Variants in VPS13B observed in about 807,000 individuals in gnomAD.
VPS13B encodes the protein intermembrane lipid transfer protein VPS13B.
In VPS13B, 285 loss-of-function variants were observed where a neutral mutation model predicts 426.4. The ratio of observed to expected loss-of-function variants is 0.67; its 90% CI spans 0.61 to 0.74. The LOEUF is 0.74. Ranked by LOEUF, VPS13B falls within the 30% of genes least tolerant of loss-of-function variation. The probability of loss-of-function intolerance (pLI) is 0.00; values close to 1 mark genes in which losing one functional copy is unlikely to be tolerated. For missense variants in VPS13B, 4,537 were observed against 4,782.6 expected, an observed-to-expected ratio of 0.95 and a Z score of 1.51; for synonymous variants, 1,676 against 1,676.4, an observed-to-expected ratio of 1.00 and a Z score of 0.01.
intron 17 of VPS13B, among the ~76,000 whole-genome samples, chr8:99,267,068 A>G (rs993929103): frequency 6.6e-6 from 1 of 152,170 alleles, no homozygotes; most frequent in Non-Finnish European, 1.5e-5. Flanking sequence ...AATGTGGGAA[A>G]GTTTGGAACT....
intron 35 of VPS13B, among the ~76,000 whole-genome samples, chr8:99,673,269 T>A (rs540425569): frequency 1.1e-4 from 17 of 152,210 alleles, no homozygotes; most frequent in African/African-American, 3.6e-4. Context: ...GGGCATTTTT[T>A]TGATGGGAGA....
chr8:99,414,913 T>C (rs1815909329), intron 21 of VPS13B, among the ~76,000 whole-genome samples: 3 of 152,148 alleles, frequency 2.0e-5, no homozygotes, highest in Admixed American at 2.0e-4. Context: ...GGAGTATCTT[T>C]GTGATGTTCT....
intron 17 of VPS13B, among the ~76,000 whole-genome samples, chr8:99,255,751 T>A (rs1817712314): frequency 6.6e-6 from 1 of 152,144 alleles, no homozygotes; most frequent in African/African-American, 2.4e-5. Flanking sequence ...TCCCCTGATG[T>A]CATGGTGGTG....
chr8:99,638,531 AG>A (rs1251693052), intron 33 of VPS13B, among the ~76,000 whole-genome samples: 1 of 152,198 alleles, frequency 6.6e-6, no homozygotes, highest in African/African-American at 2.4e-5. Context: ...ACCACCTGGA[AG>A]GGTTGCTGAA....
At chr8:99,415,436 C>A (rs1190144122) in intron 21 of VPS13B, among the ~76,000 whole-genome samples, 2 of 152,132 alleles carry the variant, frequency 1.3e-5, no homozygotes, top group African/African-American at 2.4e-5. Flanking sequence ...AACTCATTCT[C>A]CATCCAGTTT....
At chr8:99,090,317 G>C (rs926417333) in intron 3 of VPS13B, among the ~76,000 whole-genome samples, 1 of 150,944 alleles carries the variant, frequency 6.6e-6, no homozygotes, top group Non-Finnish European at 1.5e-5. Flanking sequence ...ACCCAGGCAG[G>C]AGTGCAGTGG....
intron 3 of VPS13B, among the ~76,000 whole-genome samples, chr8:99,064,595 A>G (rs559015279): frequency 6.6e-6 from 1 of 152,368 alleles, no homozygotes; most frequent in Non-Finnish European, 1.5e-5. Flanking sequence ...CCTTCATGAA[A>G]TATGGGACTA....
intron 44 of VPS13B, among the ~76,000 whole-genome samples, chr8:99,811,331 C>G (rs1201803512): frequency 6.6e-6 from 1 of 152,196 alleles, no homozygotes; most frequent in Non-Finnish European, 1.5e-5. Flanking sequence ...CAAGTCACCT[C>G]TCCTCTACAT....
intron 8 of VPS13B, among the ~76,000 whole-genome samples, chr8:99,122,667 A>G (rs1247306412): frequency 6.6e-6 from 1 of 152,210 alleles, no homozygotes; most frequent in Non-Finnish European, 1.5e-5. Context: ...TCATTCAACA[A>G]ATATTTTCAA....
chr8:99,819,896 C>T (rs1814267858), intron 48 of VPS13B, 25 bp from the exon 49 acceptor site: 1 of 1,612,050 alleles, frequency 6.2e-7, no homozygotes, highest in Non-Finnish European at 8.5e-7. Flanking sequence ...TTCATTGAGT[C>T]TCTTGGATGT....
chr8:99,284,015 T>A (rs1454670410), intron 19 of VPS13B, among the ~76,000 whole-genome samples: 1 of 152,178 alleles, frequency 6.6e-6, no homozygotes, highest in African/African-American at 2.4e-5. Context: ...GGTAAACTAT[T>A]TGCCATATGC....
At chr8:99,775,584 A>G (rs1811700947) in intron 40 of VPS13B, among the ~76,000 whole-genome samples, 1 of 152,142 alleles carries the variant, frequency 6.6e-6, no homozygotes, top group Non-Finnish European at 1.5e-5. Flanking sequence ...GGATGCCATC[A>G]CTATTCACTT....
chr8:99,515,109 GAT>G (rs1386656716), intron 29 of VPS13B, among the ~76,000 whole-genome samples: 1 of 152,110 alleles, frequency 6.6e-6, no homozygotes, highest in African/African-American at 2.4e-5. Flanking sequence ...ATGTTTCACT[GAT>G]ATGTTTGTGA....
chr8:99,820,794 A>T (rs1484551123), intron 49 of VPS13B, among the ~76,000 whole-genome samples: 1 of 152,116 alleles, frequency 6.6e-6, no homozygotes, highest in Non-Finnish European at 1.5e-5. Flanking sequence ...ATAGAGAACA[A>T]TTTCAGAATC....
rs539800823 is a variant in VPS13B at position 99,773,676 on chromosome 8, C to G, written c.7248-3099C>G. Among the ~76,000 whole-genome samples the G allele has an allele frequency of 5.3e-5, 8 of 152,260 alleles. No homozygotes were observed. In the South Asian group the frequency reaches 1.7e-3, roughly 32 times the overall value. On this transcript the variant is annotated intron_variant, in intron 40 of 61. Coordinates refer to ENST00000357162, the MANE Select transcript of VPS13B (RefSeq NM_152564.5). ...AACTTAAAGCTACTTGAATAAATTACTGAATCGTGAATTGTGTTTATTACT... is the reference window on the plus strand; with the variant it reads ...AACTTAAAGCTACTTGAATAAATTAGTGAATCGTGAATTGTGTTTATTACT...
At chr8:99,395,332 C>T (rs533464617) in intron 21 of VPS13B, among the ~76,000 whole-genome samples, 32 of 152,232 alleles carry the variant, frequency 2.1e-4, no homozygotes, top group Admixed American at 1.6e-3. Context: ...GACATGAATG[C>T]ATGGCGATGA....
intron 39 of VPS13B, among the ~76,000 whole-genome samples, chr8:99,765,410 G>C (rs958484835): frequency 6.6e-6 from 1 of 152,184 alleles, no homozygotes; most frequent in Non-Finnish European, 1.5e-5. Flanking sequence ...TTACTGGCTG[G>C]TTATATTTTT....
At position 99,832,578 on chromosome 8, in the gene VPS13B, A is replaced by G; in HGVS notation, c.9540A>G (p.Ile3180Met). The change falls in exon 52 of 62, where the codon ATA becomes ATG. Residue 3180 changes from isoleucine (I) to methionine (M), a missense_variant. Ile to Met is a conservative substitution (Grantham distance 10). This residue lies in a region of VPS13B where 4,311 missense variants were observed against 4,474.3 expected (regional missense o/e 0.96). Coordinates refer to ENST00000357162, the MANE Select transcript of VPS13B (RefSeq NM_152564.5). ...CACAGTGCTGGAGCCTGCCAGCTAT[A>G]GTTAGACCAGAGTTTCCCAGACAGA... ...DSSQCWSLPA[I>M]VRPEFPRQSV... 1 of 1,613,934 alleles carries G rather than the reference A, an allele frequency of 6.2e-7. No individual in the cohort carries two copies. The highest frequency in any genetic ancestry group is 8.5e-7 in the Non-Finnish European group (1 of 1,179,996).
At chr8:99,278,559 A>G (rs1055764700) in intron 19 of VPS13B, among the ~76,000 whole-genome samples, 1 of 152,180 alleles carries the variant, frequency 6.6e-6, no homozygotes, top group Non-Finnish European at 1.5e-5. Context: ...GACTTGTCCA[A>G]TTGCCTAGCA....
Sources: gnomAD v4.1 joint callset for allele counts (sites outside exome capture counted in the v4.1 genomes callset) on GRCh38, gnomAD v4.1.1 for gene constraint, gnomAD v4.1.1 regional missense constraint, MANE v1.5 for transcripts, NCBI Gene and HGNC (gene_info 2026-07-23, HGNC 2026-07-21) for gene names.